Variants in OTOA observed in about 807,000 individuals in gnomAD.
OTOA encodes the protein otoancorin.
OTOA carries 70 observed loss-of-function variants against 110.8 expected under a neutral mutation model. That is an observed-to-expected ratio of 0.63 (90% CI 0.52 to 0.77). OTOA has a LOEUF of 0.77. OTOA is among the 30% of genes least tolerant of loss of function. OTOA has a pLI of 0.00. For missense variants in OTOA, 917 were observed against 1,075.8 expected (o/e 0.85, Z 2.06); for synonymous variants, 373 against 431.5 (o/e 0.86, Z 1.68).
At chr16:21,756,281 T>C (rs1323040367) in intron 27 of OTOA, among the ~76,000 whole-genome samples, 1 of 151,654 alleles carries the variant, frequency 6.6e-6, no homozygotes, top group Non-Finnish European at 1.5e-5. Context: ...AATTTCCAAC[T>C]CATGTTGTCC....
chr16:21,690,493 G>A (rs957584091), intron 8 of OTOA, among the ~76,000 whole-genome samples: 4 of 151,962 alleles, frequency 2.6e-5, no homozygotes, highest in Non-Finnish European at 5.9e-5. Flanking sequence ...TGGCTTCCAG[G>A]TCCATTCATG....
chr16:21,732,441 A>G (rs139658646), intron 21 of OTOA, among the ~76,000 whole-genome samples: 21,122 of 151,390 alleles, frequency 0.14, 2,021 homozygotes, highest in South Asian at 0.28. Flanking sequence ...CATCACCTGA[A>G]CAGTATACAC....
chr16:21,714,267 CTTT>C (rs2141695058), intron 13 of OTOA, among the ~76,000 whole-genome samples: 1 of 139,144 alleles, frequency 7.2e-6, no homozygotes, highest in Non-Finnish European at 1.6e-5. Context: ...TTCTTTCTTT[CTTT>C]CTTTCCTCCT....
At chr16:21,707,779 C>A (rs1199345640) in intron 12 of OTOA, among the ~76,000 whole-genome samples, 2 of 128,168 alleles carry the variant, frequency 1.6e-5, no homozygotes, top group Non-Finnish European at 3.3e-5. Context: ...CCCTCCCCCC[C>A]CCATCCCTTT....
intron 14 of OTOA, among the ~76,000 whole-genome samples, chr16:21,715,795 G>T (rs372294287): frequency 1.3e-5 from 2 of 151,880 alleles, no homozygotes; most frequent in African/African-American, 4.8e-5. Context: ...TGGGATTATA[G>T]GTGTGAGCCA....
intron 1 of OTOA, among the ~76,000 whole-genome samples, chr16:21,677,842 A>G (rs1966862799): frequency 6.6e-6 from 1 of 151,560 alleles, no homozygotes; most frequent in Non-Finnish European, 1.5e-5. Flanking sequence ...TTGAATTATA[A>G]GAGTAGTTTT....
At chr16:21,696,569 T>G (rs950928363) in intron 9 of OTOA, among the ~76,000 whole-genome samples, 6 of 152,046 alleles carry the variant, frequency 3.9e-5, no homozygotes, top group African/African-American at 1.5e-4. Flanking sequence ...TGCCAGATTA[T>G]TATCATTATT....
chr16:21,732,621 TG>T (rs1235445441), intron 21 of OTOA, among the ~76,000 whole-genome samples: 1 of 151,980 alleles, frequency 6.6e-6, no homozygotes, highest in Non-Finnish European at 1.5e-5. Flanking sequence ...CTTCTGAAAT[TG>T]AAAAAGTCTT....
At chr16:21,670,104 C>T (rs1218861465) in intron 1 of OTOA, among the ~76,000 whole-genome samples, 4 of 151,714 alleles carry the variant, frequency 2.6e-5, no homozygotes, top group East Asian at 1.9e-4. Flanking sequence ...CTAGCCTGGG[C>T]GACAGAGTGA....
chr16:21,694,682 G>A (rs930949940), intron 9 of OTOA, among the ~76,000 whole-genome samples: 1 of 152,124 alleles, frequency 6.6e-6, no homozygotes, highest in Non-Finnish European at 1.5e-5. Context: ...AAATACAAAG[G>A]CCCTGAGATG....
At chr16:21,674,275 C>G (rs1261618399) in intron 1 of OTOA, among the ~76,000 whole-genome samples, 1 of 152,122 alleles carries the variant, frequency 6.6e-6, no homozygotes, top group East Asian at 1.9e-4. Flanking sequence ...GATCCAGTTT[C>G]TCCTCATTCT....
At chr16:21,723,586 GC>G (rs1555500812) in intron 18 of OTOA, among the ~76,000 whole-genome samples, 1 of 152,126 alleles carries the variant, frequency 6.6e-6, no homozygotes, top group Non-Finnish European at 1.5e-5. Flanking sequence ...CAAACATGAA[GC>G]CAATTATATC....
chr16:21,671,595 AAAAAAG>A lies in OTOA; in HGVS notation c.-4-6910_-4-6905del, dbSNP rs1376195580. The stretch of plus-strand genomic sequence containing the variant: ...GAGTAAGACTCCATATCAAAAAAAA[AAAAAAG>A]AAAAAAGAAAAAAGAAAAAAAAAAA... On this transcript the variant is annotated intron_variant, in intron 1 of 28. Transcript: ENST00000646100. Among the ~76,000 whole-genome samples the A allele has an allele frequency of 2.3e-3, 328 of 145,602 alleles. 3 individuals carry two copies. In the East Asian group the frequency reaches 0.042, roughly 18 times the overall value.
Position 21,728,295 on chromosome 16 carries a change from C to T in OTOA, c.2071C>T (p.His691Tyr), listed in dbSNP as rs755029973. 1 of 1,614,140 alleles carries T rather than the reference C, an allele frequency of 6.2e-7. No individual in the cohort carries two copies. The highest frequency in any genetic ancestry group is 8.5e-7 in the Non-Finnish European group (1 of 1,180,024). Residue 691 changes from histidine to tyrosine, a missense_variant, in exon 20 of 29, where the codon CAC (histidine) becomes TAC (tyrosine). His to Tyr is a moderately conservative substitution (Grantham distance 83). This residue lies in a region of OTOA where 840 missense variants were observed against 910.2 expected (regional missense o/e 0.92). Transcript: ENST00000646100. ...GGACATCATGGGGAACCTGCTGTGT[C>T]ACTTGCCGGCAGCCATCATCGACAG... ...TVDIMGNLLC[H>Y]LPAAIIDRGI...
At chr16:21,664,778 C>G (rs1966830898) in intron 1 of OTOA, among the ~76,000 whole-genome samples, 1 of 151,726 alleles carries the variant, frequency 6.6e-6, no homozygotes, top group Non-Finnish European at 1.5e-5. Flanking sequence ...TCGAGACCAG[C>G]CTGGCCAAAG....
chr16:21,688,030 C>T (rs1353974767), intron 8 of OTOA, among the ~76,000 whole-genome samples: 1 of 152,080 alleles, frequency 6.6e-6, no homozygotes, highest in Non-Finnish European at 1.5e-5. Flanking sequence ...AGAGATCTCA[C>T]CTGGCAGCAG....
At chr16:21,719,082 G>A (rs761411311) in intron 15 of OTOA, 51 bp from the exon 16 acceptor site, 1 of 1,524,538 alleles carries the variant, frequency 6.6e-7, no homozygotes, top group Non-Finnish European at 9.1e-7. Flanking sequence ...TCACAGTGTT[G>A]GGCACACGCT....
intron 13 of OTOA, among the ~76,000 whole-genome samples, chr16:21,714,300 T>TCTTTCTTCCTTCCTTC (rs1555499732): frequency 4.0e-5 from 4 of 100,344 alleles, no homozygotes; most frequent in African/African-American, 1.1e-4. Context: ...TCTTTTCCTT[T>TCTTTCTTCCTTCCTTC]CTTCCTTCCT....
intron 1 of OTOA, among the ~76,000 whole-genome samples, chr16:21,664,922 A>G (rs1966833214): frequency 6.6e-6 from 1 of 152,062 alleles, no homozygotes; most frequent in Non-Finnish European, 1.5e-5. Context: ...CAGTGAGCCG[A>G]GATCAGGCCA....
Sources: gnomAD v4.1 joint callset for allele counts (sites outside exome capture counted in the v4.1 genomes callset) on GRCh38, gnomAD v4.1.1 for gene constraint, gnomAD v4.1.1 regional missense constraint, MANE v1.5 for transcripts, NCBI Gene and HGNC (gene_info 2026-07-23, HGNC 2026-07-21) for gene names.